ASH1L: variants seen among roughly 807,000 people sequenced by gnomAD.
The protein encoded by ASH1L is ASH1 like histone lysine methyltransferase, also known as histone-lysine N-methyltransferase ASH1L.
A neutral mutation model predicts 269.0 loss-of-function variants in ASH1L; 23 were observed. The observed-to-expected ratio is 0.09, with a 90% CI of 0.06 to 0.12. The LOEUF (loss-of-function observed/expected upper bound fraction) is 0.12. Ranked by LOEUF, ASH1L falls within the 10% of genes least tolerant of loss-of-function variation. The probability of loss-of-function intolerance (pLI) is 1.00; values close to 1 mark genes in which losing one functional copy is unlikely to be tolerated. For synonymous variants in ASH1L, 1,187 were observed against 1,253.5 expected, an observed-to-expected ratio of 0.95 and a Z score of 1.12; for missense variants, 2,912 against 3,567.8, an observed-to-expected ratio of 0.82 and a Z score of 4.68.
Position 155,479,593 on chromosome 1 carries a change from G to A in ASH1L, c.3277C>T (p.Leu1093=). 1.2e-6 allele frequency: 2 copies of A among 1,614,246 alleles called. No homozygotes were observed. Among genetic ancestry groups the A allele is most frequent in the South Asian group, 1.1e-5 (1 of 91,082 alleles). Reference sequence around the variant, plus strand: ...TCAGAACTACTAGCAGATGAAGGCAGTAATGGGGGAAGAATCTGTCCTAAT... The same window carrying A: ...TCAGAACTACTAGCAGATGAAGGCAATAATGGGGGAAGAATCTGTCCTAAT... The part of the protein sequence containing the change: ...SALGQILPPL[L]PSSASSSEIL... Residue 1093 remains leucine (L), a synonymous_variant, in exon 3 of 28, where the codon CTG becomes TTG. Transcript: ENST00000392403.
intron 19 of ASH1L, among the ~76,000 whole-genome samples, chr1:155,348,648 A>G (rs1430251133): frequency 6.6e-6 from 1 of 152,022 alleles, no homozygotes. Context: ...CTGGGAGGCC[A>G]AGGCAGGCAG....
intron 2 of ASH1L, among the ~76,000 whole-genome samples, chr1:155,518,889 C>T (rs1480604131): frequency 1.3e-5 from 2 of 151,948 alleles, no homozygotes; most frequent in Non-Finnish European, 2.9e-5. Flanking sequence ...CATGAAGACT[C>T]AGAGAAATCA....
Position 155,410,853 on chromosome 1 carries a change from G to A in ASH1L, c.6008+4891C>T, listed in dbSNP as rs568214040. Among the ~76,000 whole-genome samples, 11 of 151,008 alleles carry A rather than the reference G, an allele frequency of 7.3e-5. No homozygotes were observed. In the South Asian group the frequency reaches 1.7e-3, roughly 23 times the overall value. ...ACTCCTGGGCTCAAGCAATCCTCCA[G>A]CTCCAGCGGCCTAAAGTGCTGGGAT... On this transcript the variant is annotated intron_variant, in intron 6 of 27. Coordinates refer to ENST00000392403, the MANE Select transcript of ASH1L (RefSeq NM_018489.3).
chr1:155,340,207 G>C (rs1292365018), intron 25 of ASH1L, among the ~76,000 whole-genome samples: 2 of 151,674 alleles, frequency 1.3e-5, no homozygotes, highest in African/African-American at 2.4e-5. Flanking sequence ...TTTATTTTTT[G>C]AGAGTCTTGT....
chr1:155,544,753 T>A (rs1571120500), intron 1 of ASH1L, among the ~76,000 whole-genome samples: 4 of 152,096 alleles, frequency 2.6e-5, no homozygotes, highest in Admixed American at 2.6e-4. Flanking sequence ...GATTAATATA[T>A]CTTAATATAA....
chr1:155,481,786 C>A lies in ASH1L; in HGVS notation c.1084G>T (p.Gly362Cys). The A allele has an allele frequency of 6.2e-7, 1 of 1,614,234 alleles. No homozygotes were observed. Among genetic ancestry groups the A allele is most frequent in the Admixed American group, 1.7e-5 (1 of 60,028 alleles). ...HKESGKKLGL[G>C]TVVGLVNKDL... ...TTATTAACCAGTCCAACCACAGTGC[C>A]AAGTCCTAACTTCTTGCCAGACTCT... Residue 362 changes from glycine (G) to cysteine (C), a missense_variant, in exon 3 of 28, where the codon GGC becomes TGC. This residue lies in a region of ASH1L where 277 missense variants were observed against 367.7 expected (regional missense o/e 0.75). Transcript: ENST00000392403.
In ASH1L at chr1:155,562,241, T is replaced by C; in HGVS notation, c.-188A>G. ...TGGCCGCCAGGCTCCTCCGCTTCCC[T>C]GGGTCCACGGCGGATCCCTCCCGCT... On this transcript the variant is annotated 5_prime_UTR_variant, in exon 1 of 28. Transcript: ENST00000392403. 6.2e-7 allele frequency: 1 copy of C among 1,610,106 alleles called. No individual in the cohort carries two copies. Among genetic ancestry groups the C allele is most frequent in the Non-Finnish European group, 8.5e-7 (1 of 1,176,798 alleles).
At position 155,336,002 on chromosome 1, in the gene ASH1L, G is replaced by A. The variant is rs963498880; in HGVS notation, c.*1658C>T. On this transcript the variant is annotated 3_prime_UTR_variant, in exon 28 of 28. Coordinates refer to ENST00000392403, the MANE Select transcript of ASH1L (RefSeq NM_018489.3). The stretch of plus-strand genomic sequence containing the variant: ...GAGTATCTTATACCCAGGTCTCTTA[G>A]TAATGTACAGTGCTTCTCTACAGTA... 6.6e-6 allele frequency: 1 copy of A among 152,448 alleles called. No homozygotes were observed. The highest frequency in any genetic ancestry group is 2.4e-5 in the African/African-American group (1 of 41,350). 9.4% of individuals were successfully genotyped at this position (152,448 alleles called of 1,614,324 possible).
chr1:155,465,417 T>G (rs1664616629), intron 3 of ASH1L, among the ~76,000 whole-genome samples: 1 of 148,706 alleles, frequency 6.7e-6, no homozygotes, highest in African/African-American at 2.5e-5. Context: ...TTAGTCACAC[T>G]CTGGAGATCA....
At chr1:155,552,104 G>A (rs1172206442) in intron 1 of ASH1L, among the ~76,000 whole-genome samples, 4 of 152,312 alleles carry the variant, frequency 2.6e-5, no homozygotes, top group Admixed American at 1.3e-4. Flanking sequence ...CAGCAAAGCA[G>A]GGATCTTGTT....
At chr1:155,475,457 T>C (rs898830503) in intron 3 of ASH1L, among the ~76,000 whole-genome samples, 2 of 152,286 alleles carry the variant, frequency 1.3e-5, no homozygotes, top group East Asian at 3.9e-4. Context: ...TTCTCATCCT[T>C]TAAGTCTCAA....
intron 2 of ASH1L, among the ~76,000 whole-genome samples, chr1:155,496,132 T>C (rs1308320425): frequency 1.3e-5 from 2 of 152,252 alleles, no homozygotes; most frequent in African/African-American, 4.8e-5. Flanking sequence ...CATACAGCTG[T>C]ACAAAATCTT....
At chr1:155,385,847 G>C (rs1657384503) in intron 7 of ASH1L, among the ~76,000 whole-genome samples, 1 of 152,106 alleles carries the variant, frequency 6.6e-6, no homozygotes, top group African/African-American at 2.4e-5. Context: ...CTGAGTGTTG[G>C]GGGATGGGGA....
chr1:155,562,731 C>T lies in ASH1L; in HGVS notation c.-678G>A. The T allele has an allele frequency of 1.5e-6, 2 of 1,339,468 alleles. No individual in the cohort carries two copies. The highest frequency in any genetic ancestry group is 2.0e-5 in the Admixed American group (1 of 49,868). 83.0% of individuals were successfully genotyped at this position (1,339,468 alleles called of 1,614,324 possible). A position where few individuals can be genotyped will look rare whatever the true frequency, so the allele number is the denominator to read the frequency against. ...AACCCCCTCGTCCAGTCCCTCACTA[C>T]CCCTCAGGCCCTGTCAAGCCGGCGC... On this transcript the variant is annotated 5_prime_UTR_variant, in exon 1 of 28. Transcript: ENST00000392403.
chr1:155,386,192 C>G (rs909911772), intron 7 of ASH1L, among the ~76,000 whole-genome samples: 5 of 151,798 alleles, frequency 3.3e-5, no homozygotes, highest in African/African-American at 1.2e-4. Flanking sequence ...CTCAGCCTCC[C>G]AAGTAGCTGG....
chr1:155,418,767 G>A (rs1000109814), intron 5 of ASH1L, among the ~76,000 whole-genome samples: 2 of 152,102 alleles, frequency 1.3e-5, no homozygotes, highest in Non-Finnish European at 2.9e-5. Context: ...TACTGATGAA[G>A]AAAACAAAAG....
At chr1:155,347,547 G>C (rs1653464712) in intron 20 of ASH1L, 109 bp downstream of exon 20, 4 of 1,421,614 alleles carry the variant, frequency 2.8e-6, no homozygotes, top group Admixed American at 1.8e-5. Flanking sequence ...CTAAGTTACA[G>C]TTCATAAACA....
At chr1:155,537,046 A>G (rs1670106042) in intron 1 of ASH1L, among the ~76,000 whole-genome samples, 1 of 151,230 alleles carries the variant, frequency 6.6e-6, no homozygotes. Context: ...TCTGTCTCAA[A>G]AAAAAAAAAA....
chr1:155,338,053 A>T, intron 27 of ASH1L, 36 bp downstream of exon 27: 1 of 1,590,310 alleles, frequency 6.3e-7, no homozygotes, highest in South Asian at 1.1e-5. Flanking sequence ...TTTCGCATTT[A>T]TCTTAAACCC....
Sources: allele counts gnomAD v4.1 joint callset (sites outside exome capture counted in the v4.1 genomes callset), GRCh38; gene constraint gnomAD v4.1.1; regional missense constraint gnomAD v4.1.1; transcripts MANE v1.5; gene names NCBI Gene and HGNC (gene_info 2026-07-23, HGNC 2026-07-21).